The following ERC2 variants were observed in gnomAD, a reference collection of about 807,000 sequenced individuals.
ERC2 encodes the protein ERC protein 2.
Under a neutral mutation model 114.8 loss-of-function variants are expected in ERC2, and 42 were observed. The ratio of observed to expected loss-of-function variants is 0.37; its 90% confidence interval spans 0.29 to 0.47. The LOEUF (loss-of-function observed/expected upper bound fraction) is 0.47. Among genes scored for constraint, ERC2 ranks in the 20% least tolerant of loss-of-function variants. The pLI is 0.99. For synonymous variants in ERC2, 454 were observed against 425.5 expected (o/e 1.07, Z -0.82); for missense variants, 939 against 1,150.7 (o/e 0.82, Z 2.66).
intron 14 of ERC2, among the ~76,000 whole-genome samples, chr3:55,834,800 C>A: frequency 9.5e-6 from 1 of 105,412 alleles, no homozygotes; most frequent in Admixed American, 8.8e-5. Flanking sequence ...AAAAACCCTT[C>A]AAAACCAGGA....
chr3:56,442,011 AAATT>A (rs1409430253), intron 1 of ERC2, among the ~76,000 whole-genome samples: 3 of 152,166 alleles, frequency 2.0e-5, no homozygotes, highest in African/African-American at 7.2e-5. Context: ...CATCTCTATA[AAATT>A]AATTAATTAG....
chr3:56,203,395 C>A (rs920189567), intron 3 of ERC2, among the ~76,000 whole-genome samples: 2 of 152,164 alleles, frequency 1.3e-5, no homozygotes, highest in Admixed American at 6.5e-5. Context: ...TTAGGTCTTA[C>A]TCATGCTGAT....
At chr3:56,124,403 A>G (rs1039432285) in intron 6 of ERC2, among the ~76,000 whole-genome samples, 4 of 152,254 alleles carry the variant, frequency 2.6e-5, no homozygotes, top group Non-Finnish European at 4.4e-5. Context: ...GTAACAATTT[A>G]TCTCTAAAGG....
Position 56,452,222 on chromosome 3 carries a change from T to C in ERC2, c.-141+16026A>G, listed in dbSNP as rs368138915. 1.2e-4 allele frequency among the ~76,000 whole-genome samples: 19 copies of C among 152,322 alleles called. 1 individual carries two copies. In the South Asian group the frequency reaches 3.7e-3, roughly 30 times the overall value. On this transcript the variant is annotated intron_variant, in intron 1 of 17. Coordinates refer to ENST00000288221, the MANE Select transcript of ERC2 (RefSeq NM_015576.3). The stretch of plus-strand genomic sequence containing the variant: ...TGAGTCAATGTGAAAGGAAATAAGA[T>C]GGTCTTGGGGATCTAAAGGATGTGT...
chr3:56,129,565 C>T (rs1434957422), intron 6 of ERC2, among the ~76,000 whole-genome samples: 1 of 152,154 alleles, frequency 6.6e-6, no homozygotes, highest in Non-Finnish European at 1.5e-5. Flanking sequence ...AGTGGCCAGT[C>T]AGCTTCCCAC....
chr3:56,171,985 CA>C (rs1291429804), intron 4 of ERC2, among the ~76,000 whole-genome samples: 75 of 118,992 alleles, frequency 6.3e-4, no homozygotes, highest in South Asian at 1.2e-3. Flanking sequence ...AAACAAAAAA[CA>C]AAAAAAAAAA....
rs528393953 is a variant in ERC2 at position 56,339,862 on chromosome 3, C to A, written c.658-43427G>T. Among the ~76,000 whole-genome samples the A allele has an allele frequency of 4.6e-5, 7 of 152,322 alleles. No individual in the cohort carries two copies. The South Asian group carries it at 6.2e-4, about 14-fold the overall frequency. ...AGCTGGATCTAATCCTGCTCTCCCA[C>A]TACCAGGCCTTGGACCCAGGCCAAG... On this transcript the variant is annotated intron_variant, in intron 2 of 17. Coordinates refer to ENST00000288221, the MANE Select transcript of ERC2 (RefSeq NM_015576.3).
chr3:56,061,930 C>T (rs535200314), intron 7 of ERC2, among the ~76,000 whole-genome samples: 10 of 152,114 alleles, frequency 6.6e-5, no homozygotes, highest in Non-Finnish European at 1.0e-4. Flanking sequence ...TGGGTATAAG[C>T]ACATTACCGT....
In ERC2 at chr3:56,103,142, A is replaced by C. The variant is rs536909111; in HGVS notation, c.1474-22158T>G. 7.2e-5 allele frequency among the ~76,000 whole-genome samples: 11 copies of C among 152,292 alleles called. No homozygotes were observed. The South Asian group carries it at 2.1e-3, about 29-fold the overall frequency. ...GATATTGAAGATGAGACGAAAGAGA[A>C]AATGGTCAGGGAAGGGGAAAGGATA... On this transcript the variant is annotated intron_variant, in intron 6 of 17. Coordinates refer to ENST00000288221, the MANE Select transcript of ERC2 (RefSeq NM_015576.3).
At position 55,867,039 on chromosome 3, in the gene ERC2, ATGTTTTGTTT is replaced by A. The variant is rs375286049; in HGVS notation, c.2564+21340_2564+21349del. 4.9e-4 allele frequency among the ~76,000 whole-genome samples: 75 copies of A among 152,132 alleles called. No homozygotes were observed. In the East Asian group the frequency reaches 0.012, roughly 23 times the overall value. On this transcript the variant is annotated intron_variant, in intron 14 of 17. Transcript: ENST00000288221. ...AAAATTGAAAATTCATTAGGAATTT[ATGTTTTGTTT>A]TGTTTTGTTTTGTTGCTTTTTGGTG...
At chr3:56,221,158 TGA>T (rs2049879813) in intron 3 of ERC2, among the ~76,000 whole-genome samples, 1 of 151,898 alleles carries the variant, frequency 6.6e-6, no homozygotes, top group African/African-American at 2.4e-5. Context: ...ATTTGAAAAT[TGA>T]AAATTTTCAA....
At chr3:55,921,528 C>A (rs528001473) in intron 13 of ERC2, among the ~76,000 whole-genome samples, 123 of 152,190 alleles carry the variant, frequency 8.1e-4, no homozygotes, top group African/African-American at 2.8e-3. Flanking sequence ...GCAAACTGAA[C>A]AATCAACCTG....
intron 3 of ERC2, among the ~76,000 whole-genome samples, chr3:56,243,391 C>T (rs755685986): frequency 5.9e-5 from 9 of 152,250 alleles, no homozygotes; most frequent in Middle Eastern, 6.8e-3. Flanking sequence ...AAGCTGCTGA[C>T]AAGGGAAAAA....
intron 3 of ERC2, among the ~76,000 whole-genome samples, chr3:56,197,266 G>A (rs961130909): frequency 1.1e-4 from 16 of 152,146 alleles, no homozygotes; most frequent in African/African-American, 3.6e-4. Flanking sequence ...TGTAAAATGG[G>A]AATGGTGATA....
chr3:56,072,749 A>G (rs1171967926), intron 7 of ERC2, among the ~76,000 whole-genome samples: 1 of 152,184 alleles, frequency 6.6e-6, no homozygotes, highest in Non-Finnish European at 1.5e-5. Flanking sequence ...ATTAAAGGTC[A>G]CTATTTTTCA....
chr3:55,764,508 C>T (rs1000454909), intron 14 of ERC2, among the ~76,000 whole-genome samples: 1 of 152,218 alleles, frequency 6.6e-6, no homozygotes, highest in Non-Finnish European at 1.5e-5. Flanking sequence ...TAGGTGTTGG[C>T]TGAATGACTA....
At chr3:55,632,293 C>T (rs2059787328) in intron 17 of ERC2, among the ~76,000 whole-genome samples, 1 of 152,240 alleles carries the variant, frequency 6.6e-6, no homozygotes, top group African/African-American at 2.4e-5. Context: ...AGAACATCAG[C>T]TTCTCATCTT....
At chr3:55,984,999 T>C (rs549862776) in intron 12 of ERC2, among the ~76,000 whole-genome samples, 3 of 152,316 alleles carry the variant, frequency 2.0e-5, no homozygotes, top group South Asian at 4.1e-4. Context: ...GCAGACCCTG[T>C]GTACAGAGAA....
In ERC2 at chr3:55,683,800, A is replaced by G. The variant is rs774512449; in HGVS notation, c.*33T>C. On this transcript the variant is annotated 3_prime_UTR_variant, in exon 17 of 18. Coordinates refer to ENST00000288221, the MANE Select transcript of ERC2 (RefSeq NM_015576.3). Reference sequence around the variant, plus strand: ...ATAAAAGATGGTTTCTCACCCCTCAAAACAAAACTGGAACTTTGGTTTACA... The same window carrying G: ...ATAAAAGATGGTTTCTCACCCCTCAGAACAAAACTGGAACTTTGGTTTACA... 2.5e-6 allele frequency: 4 copies of G among 1,612,790 alleles called. No individual in the cohort carries two copies. The highest frequency in any genetic ancestry group is 1.7e-5 in the Admixed American group (1 of 59,834).
Sources: gnomAD v4.1 joint callset for allele counts (sites outside exome capture counted in the v4.1 genomes callset) on GRCh38, gnomAD v4.1.1 for gene constraint, MANE v1.5 for transcripts, NCBI Gene and HGNC (gene_info 2026-07-23, HGNC 2026-07-21) for gene names.